BAZ2B: variants seen among roughly 807,000 people sequenced by gnomAD.
BAZ2B encodes bromodomain adjacent to zinc finger domain 2B, also known as bromodomain adjacent to zinc finger domain protein 2B.
BAZ2B carries 91 observed loss-of-function variants against 246.0 expected under a neutral mutation model. The ratio of observed to expected loss-of-function variants is 0.37; its 90% CI spans 0.31 to 0.44. BAZ2B has a LOEUF of 0.44. Ranked by LOEUF, BAZ2B falls within the 20% of genes least tolerant of loss-of-function variation. BAZ2B has a pLI of 1.00. For synonymous variants in BAZ2B, 855 were observed against 860.0 expected, an observed-to-expected ratio of 0.99 and a Z score of 0.10; for missense variants, 2,332 against 2,533.7, an observed-to-expected ratio of 0.92 and a Z score of 1.71.
intron 2 of BAZ2B, among the ~76,000 whole-genome samples, chr2:159,495,027 G>A (rs1464823041): frequency 6.6e-6 from 1 of 152,112 alleles, no homozygotes; most frequent in African/African-American, 2.4e-5. Flanking sequence ...TTTAGGAAAT[G>A]GGGTGGCCTT....
At chr2:159,522,605 T>G (rs946149655) in intron 2 of BAZ2B, among the ~76,000 whole-genome samples, 1 of 152,184 alleles carries the variant, frequency 6.6e-6, no homozygotes, top group Non-Finnish European at 1.5e-5. Context: ...AGTAAACAAT[T>G]AGACGTTCCT....
intron 20 of BAZ2B, among the ~76,000 whole-genome samples, chr2:159,393,283 G>T (rs2063569372): frequency 6.6e-6 from 1 of 152,144 alleles, no homozygotes; most frequent in African/African-American, 2.4e-5. Context: ...TTTTTGAAAA[G>T]ATCACTTTGG....
At chr2:159,696,699 T>C in the BAZ2B span, among the ~76,000 whole-genome samples, 4 of 152,230 alleles carry the variant, frequency 2.6e-5, no homozygotes, top group Admixed American at 1.3e-4. Flanking sequence ...GGATTTAGTA[T>C]GTATTTTTCT....
At chr2:159,369,830 C>T (rs563820925) in intron 27 of BAZ2B, among the ~76,000 whole-genome samples, 98 of 152,228 alleles carry the variant, frequency 6.4e-4, no homozygotes, top group Non-Finnish European at 1.2e-3. Context: ...AATAAACATA[C>T]GTGTGCATGT....
At chr2:159,562,527 T>C (rs1003367184) in intron 1 of BAZ2B, among the ~76,000 whole-genome samples, 1 of 152,196 alleles carries the variant, frequency 6.6e-6, no homozygotes, top group Non-Finnish European at 1.5e-5. Flanking sequence ...AGGAAGGAGG[T>C]AGTAGCACTG....
At chr2:159,372,508 G>A (rs1381583209) in intron 27 of BAZ2B, among the ~76,000 whole-genome samples, 4 of 152,130 alleles carry the variant, frequency 2.6e-5, no homozygotes, top group East Asian at 3.9e-4. Context: ...TGGAGCCAGC[G>A]AAAGAAATCT....
intron 13 of BAZ2B, among the ~76,000 whole-genome samples, chr2:159,413,914 T>C (rs1305183777): frequency 1.3e-5 from 2 of 152,156 alleles, no homozygotes; most frequent in Non-Finnish European, 2.9e-5. Flanking sequence ...CACTGCTCTG[T>C]ATATATCTAA....
At position 159,393,677 on chromosome 2, in the gene BAZ2B, T is replaced by C. The variant is rs570905416; in HGVS notation, c.3075+2092A>G. On this transcript the variant is annotated intron_variant, in intron 20 of 36. Coordinates refer to ENST00000392783, the MANE Select transcript of BAZ2B (RefSeq NM_013450.4). ...TAGGAGAGGGAGAGCTATACCAGGT[T>C]TCTGGTATCTCTCAGTTTTATTGGA... Among the ~76,000 whole-genome samples the C allele has an allele frequency of 1.7e-3, 260 of 152,320 alleles. 3 individuals carry two copies. Among genetic ancestry groups the C allele is most frequent in the African/African-American group, 5.8e-3 (242 of 41,574 alleles).
intron 2 of BAZ2B, among the ~76,000 whole-genome samples, chr2:159,520,867 C>T (rs144371693): frequency 6.6e-6 from 1 of 152,134 alleles, no homozygotes; most frequent in African/African-American, 2.4e-5. Flanking sequence ...AATTTTCATC[C>T]AATACAGTTT....
intron 17 of BAZ2B, 128 bp downstream of exon 17, chr2:159,400,471 C>G: frequency 1.6e-6 from 1 of 607,012 alleles, no homozygotes; most frequent in Admixed American, 3.1e-5. Context: ...TTATTCTATG[C>G]AGAATGTTTA....
At chr2:159,638,297 T>G in the BAZ2B span, among the ~76,000 whole-genome samples, 1 of 152,146 alleles carries the variant, frequency 6.6e-6, no homozygotes, top group Non-Finnish European at 1.5e-5. Flanking sequence ...GCCCAGACGG[T>G]GGAGACTATA....
intron 1 of BAZ2B, among the ~76,000 whole-genome samples, chr2:159,565,828 T>C (rs933005585): frequency 6.7e-6 from 1 of 149,388 alleles, no homozygotes; most frequent in African/African-American, 2.5e-5. Flanking sequence ...AAAGCTTGTA[T>C]CTGTCCTTGC....
In BAZ2B at chr2:159,431,141, G is replaced by A; in HGVS notation, c.1916C>T (p.Ser639Leu). Residue 639 changes from serine (S) to leucine (L), a missense_variant, in exon 10 of 37, where the codon TCA becomes TTA. Ser to Leu is a moderately radical substitution (Grantham distance 145). Transcript: ENST00000392783. The part of the protein sequence containing the change: ...DDSQSESDSN[S>L]ESDTEGSEEE... ...TTCTGATCCTTCTGTATCTGATTCTGAATTACTATCTGATTCTGGGAAGTA... is the reference window on the plus strand; with the variant it reads ...TTCTGATCCTTCTGTATCTGATTCTAAATTACTATCTGATTCTGGGAAGTA... 6.2e-7 allele frequency: 1 copy of A among 1,605,168 alleles called. No homozygotes were observed. Among genetic ancestry groups the A allele is most frequent in the Non-Finnish European group, 8.5e-7 (1 of 1,174,008 alleles).
intron 2 of BAZ2B, among the ~76,000 whole-genome samples, chr2:159,481,216 T>C (rs2079187731): frequency 6.6e-6 from 1 of 152,004 alleles, no homozygotes; most frequent in Non-Finnish European, 1.5e-5. Context: ...TATCATCCCC[T>C]CTAAAGCACA....
At chr2:159,477,571 G>A (rs1429196094) in intron 3 of BAZ2B, among the ~76,000 whole-genome samples, 2 of 151,868 alleles carry the variant, frequency 1.3e-5, no homozygotes, top group Admixed American at 6.6e-5. Flanking sequence ...TCACATTTAT[G>A]CAAAAGTTTC....
chr2:159,570,427 C>T (rs1318744426), intron 1 of BAZ2B, among the ~76,000 whole-genome samples: 7 of 152,176 alleles, frequency 4.6e-5, no homozygotes, highest in African/African-American at 9.7e-5. Context: ...GTGATCCGCC[C>T]GCCTCGGCCT....
intron 2 of BAZ2B, among the ~76,000 whole-genome samples, chr2:159,544,437 T>C (rs1451291793): frequency 6.6e-6 from 1 of 152,212 alleles, no homozygotes; most frequent in African/African-American, 2.4e-5. Context: ...AACTAATATT[T>C]CTACCTTGAG....
At chr2:159,409,047 GT>G (rs201962998) in intron 14 of BAZ2B, among the ~76,000 whole-genome samples, 8 of 147,600 alleles carry the variant, frequency 5.4e-5, no homozygotes, top group East Asian at 2.0e-4. Flanking sequence ...TCATTTATTT[GT>G]TTTTTTTTTG....
At chr2:159,550,260 C>T (rs527736934) in intron 2 of BAZ2B, among the ~76,000 whole-genome samples, 3 of 152,176 alleles carry the variant, frequency 2.0e-5, no homozygotes, top group Non-Finnish European at 2.9e-5. Context: ...TTATCTCTGT[C>T]ATGTCAAAGA....
Sources: gnomAD v4.1 joint callset for allele counts (sites outside exome capture counted in the v4.1 genomes callset) on GRCh38, gnomAD v4.1.1 for gene constraint, MANE v1.5 for transcripts, NCBI Gene and HGNC (gene_info 2026-07-23, HGNC 2026-07-21) for gene names.